The following SUCO variants were observed in gnomAD, a reference collection of about 807,000 sequenced individuals.
SUCO encodes the protein SUN domain containing ossification factor, also known as SUN domain-containing ossification factor.
Under a neutral mutation model 148.1 loss-of-function variants are expected in SUCO, and 57 were observed. That is an observed-to-expected ratio of 0.38 (90% confidence interval 0.31 to 0.48). SUCO has a LOEUF of 0.48. SUCO is among the 20% of genes least tolerant of loss of function. The pLI is 0.96. For synonymous variants in SUCO, 470 were observed against 502.7 expected (o/e 0.93, Z 0.87); for missense variants, 1,331 against 1,468.2 (o/e 0.91, Z 1.53).
At position 172,602,707 on chromosome 1, in the gene SUCO, C is replaced by G. The variant is rs1343563337; in HGVS notation, c.3185C>G (p.Ser1062Cys). 1.2e-6 allele frequency: 2 copies of G among 1,612,564 alleles called. No individual in the cohort carries two copies. Among genetic ancestry groups the G allele is most frequent in the Admixed American group, 1.7e-5 (1 of 59,934 alleles). The change falls in exon 22 of 24, where the codon TCC becomes TGC. Residue 1062 changes from serine (S) to cysteine (C), a missense_variant. Transcript: ENST00000263688. ...TCCTAATGTGTTAGGTGTTTCTCTT[C>G]CTATGATGATATGAATTTGAAAAGA... The part of the protein sequence containing the change: ...QYPSPKRCFS[S>C]YDDMNLKRRT...
intron 19 of SUCO, among the ~76,000 whole-genome samples, chr1:172,594,234 T>A (rs1656904593): frequency 6.8e-6 from 1 of 146,476 alleles, no homozygotes; most frequent in Admixed American, 6.9e-5. Flanking sequence ...AGCTCCTGAA[T>A]TTATTGATTT....
intron 2 of SUCO, 92 bp downstream of exon 2, chr1:172,551,718 A>G (rs1653313786): frequency 1.3e-6 from 1 of 798,054 alleles, no homozygotes; most frequent in Admixed American, 3.1e-5. Flanking sequence ...CAAAAATGCC[A>G]TGCCATAATT....
intron 15 of SUCO, among the ~76,000 whole-genome samples, chr1:172,583,862 T>A (rs1558199575): frequency 6.6e-6 from 1 of 152,190 alleles, no homozygotes; most frequent in East Asian, 1.9e-4. Context: ...TACCATTTTT[T>A]ATGGAGTTCT....
intron 1 of SUCO, among the ~76,000 whole-genome samples, chr1:172,549,547 A>C (rs1291362285): frequency 6.6e-6 from 1 of 151,964 alleles, no homozygotes; most frequent in African/African-American, 2.4e-5. Flanking sequence ...CATTTTTAAA[A>C]GGTATTTTTT....
rs1655351786 is a variant in SUCO, at chr1:172,575,292, CT to C, written c.1158-221del. On this transcript the variant is annotated intron_variant, in intron 10 of 23. Coordinates refer to ENST00000263688, the MANE Select transcript of SUCO (RefSeq NM_014283.5). ...ACCCCAAGAAGTGGTACTGGTCCTA[CT>C]TTTTGTTAATGGTGTGATTTTTCAA... 2.0e-5 allele frequency among the ~76,000 whole-genome samples: 3 copies of C among 151,904 alleles called. No homozygotes were observed. The South Asian group carries it at 6.2e-4, about 31-fold the overall frequency.
At chr1:172,582,406 G>A (rs1194827844) in intron 15 of SUCO, among the ~76,000 whole-genome samples, 1 of 152,080 alleles carries the variant, frequency 6.6e-6, no homozygotes, top group Non-Finnish European at 1.5e-5. Context: ...TTATCAAAAA[G>A]AGACATTGGA....
In SUCO at chr1:172,610,513, T is replaced by A. The variant is rs1658151536; in HGVS notation, c.*254T>A. 2 of 377,234 alleles carry A rather than the reference T, an allele frequency of 5.3e-6. No homozygotes were observed. Among genetic ancestry groups the A allele is most frequent in the Non-Finnish European group, 8.7e-6 (2 of 229,980 alleles). 23.4% of individuals were successfully genotyped at this position (377,234 alleles called of 1,614,324 possible). ...AAAGATGTTTTTTCACAAGATTAAT[T>A]ACTGGGACAAAAGTAATTTGGAAGC... On this transcript the variant is annotated 3_prime_UTR_variant, in exon 24 of 24. Coordinates refer to ENST00000263688, the MANE Select transcript of SUCO (RefSeq NM_014283.5).
intron 19 of SUCO, among the ~76,000 whole-genome samples, chr1:172,597,708 T>C (rs1160524697): frequency 1.3e-5 from 2 of 152,170 alleles, no homozygotes; most frequent in African/African-American, 4.8e-5. Context: ...ATTCTAGTAT[T>C]GCACCTCTAG....
chr1:172,563,745 G>T (rs1383320493), intron 6 of SUCO, among the ~76,000 whole-genome samples: 2 of 152,216 alleles, frequency 1.3e-5, no homozygotes. Flanking sequence ...GCAGAAATTT[G>T]CATAAGTAGA....
At chr1:172,588,488 A>G (rs1656391349) in intron 17 of SUCO, 1 of 985,116 alleles carries the variant, frequency 1.0e-6, no homozygotes, top group Non-Finnish European at 1.2e-6. Flanking sequence ...CAATTCTTAA[A>G]CAGATTAAAA....
At chr1:172,563,035 G>T (rs1558184814) in intron 6 of SUCO, among the ~76,000 whole-genome samples, 1 of 152,164 alleles carries the variant, frequency 6.6e-6, no homozygotes, top group Admixed American at 6.5e-5. Flanking sequence ...TGCTGTGATT[G>T]TAAGTTTCCT....
At chr1:172,590,053 CAA>C (rs1355543786) in intron 18 of SUCO, 127 bp downstream of exon 18, 1 of 720,948 alleles carries the variant, frequency 1.4e-6, no homozygotes, top group Non-Finnish European at 2.0e-6. Flanking sequence ...GCAATTTTAG[CAA>C]GAGAGAGAAA....
chr1:172,593,642 G>A (rs1399585707), intron 19 of SUCO, among the ~76,000 whole-genome samples: 1 of 152,062 alleles, frequency 6.6e-6, no homozygotes, highest in Non-Finnish European at 1.5e-5. Context: ...ATCGTGGTGG[G>A]TAAGCTTTTT....
At chr1:172,589,986 TATGACCTGTG>T in intron 18 of SUCO, 60 bp downstream of exon 18, 1 of 1,344,754 alleles carries the variant, frequency 7.4e-7, no homozygotes. Context: ...CAGCATAGAG[TATGACCTGTG>T]ATTACAGGAG....
At chr1:172,606,905 T>G (rs1466786282) in intron 22 of SUCO, among the ~76,000 whole-genome samples, 1 of 151,922 alleles carries the variant, frequency 6.6e-6, no homozygotes, top group Non-Finnish European at 1.5e-5. Context: ...TATGCTGTAT[T>G]TTGGATGATA....
chr1:172,532,394 A>G, upstream of SUCO: 5 of 1,115,158 alleles, frequency 4.5e-6, no homozygotes, highest in Middle Eastern at 2.1e-4. Flanking sequence ...AAGCACACTT[A>G]AAGTGAGGAA....
intron 17 of SUCO, chr1:172,588,459 G>T (rs1006868545): frequency 1.0e-6 from 1 of 984,168 alleles, no homozygotes; most frequent in African/African-American, 1.7e-5. Context: ...TTCAGTGAAT[G>T]GAAGTATTCA....
At position 172,589,041 on chromosome 1, in the gene SUCO, G is replaced by A. The variant is rs752014324; in HGVS notation, c.1940G>A (p.Arg647His). The A allele has an allele frequency of 1.7e-5, 27 of 1,613,486 alleles. No homozygotes were observed. The highest frequency in any genetic ancestry group is 4.4e-5 in the South Asian group (4 of 91,018). The change falls in exon 18 of 24, where the codon CGC becomes CAC. Residue 647 changes from arginine (R) to histidine (H), a missense_variant. Around this residue, in one of 3 missense-constraint regions of SUCO, gnomAD observed 992 missense variants for 1,093.5 expected, o/e 0.91. Coordinates refer to ENST00000263688, the MANE Select transcript of SUCO (RefSeq NM_014283.5). ...GTTAGAGTTGCTCTTTATCGGCAGC[G>A]CAGCCGAACTGCTTTGAGTAAAGGA... ...CSVRVALYRQ[R>H]SRTALSKGKD...
At chr1:172,574,688 T>A (rs987192259) in intron 10 of SUCO, 2 of 153,570 alleles carry the variant, frequency 1.3e-5, no homozygotes, top group African/African-American at 4.8e-5. Context: ...TCAACAGAGA[T>A]GTGAAATCAT....
Sources: gnomAD v4.1 joint callset for allele counts (sites outside exome capture counted in the v4.1 genomes callset) on GRCh38, gnomAD v4.1.1 for gene constraint, gnomAD v4.1.1 regional missense constraint, MANE v1.5 for transcripts, NCBI Gene and HGNC (gene_info 2026-07-23, HGNC 2026-07-21) for gene names.